Variants in NRG3 observed in about 807,000 individuals in gnomAD.
NRG3 encodes pro-neuregulin-3, membrane-bound isoform.
A neutral mutation model predicts 66.9 loss-of-function variants in NRG3; 31 were observed. That is an observed-to-expected ratio of 0.46 (90% CI 0.35 to 0.63). The LOEUF (loss-of-function observed/expected upper bound fraction) is 0.63, where lower values mean the gene tolerates loss of function less well. Ranked by LOEUF, NRG3 falls within the 20% of genes least tolerant of loss-of-function variation. The pLI, the probability that NRG3 is intolerant of heterozygous loss-of-function variation, is 0.00. For missense variants in NRG3, 910 were observed against 878.9 expected, an observed-to-expected ratio of 1.04 and a Z score of -0.45; for synonymous variants, 393 against 359.4, an observed-to-expected ratio of 1.09 and a Z score of -1.06.
chr10:82,772,811 C>T (rs540196368), intron 3 of NRG3, among the ~76,000 whole-genome samples: 1 of 147,542 alleles, frequency 6.8e-6, no homozygotes, highest in Non-Finnish European at 1.5e-5. Context: ...GCTCAAGCAA[C>T]ACTCTGACCT....
chr10:82,047,293 G>A (rs1011152044), intron 1 of NRG3, among the ~76,000 whole-genome samples: 7 of 152,048 alleles, frequency 4.6e-5, no homozygotes, highest in Admixed American at 1.3e-4. Flanking sequence ...CAAGACACAT[G>A]ATTGTCAGAT....
intron 2 of NRG3, among the ~76,000 whole-genome samples, chr10:82,412,568 G>C (rs2088183096): frequency 6.6e-6 from 1 of 152,132 alleles, no homozygotes; most frequent in African/African-American, 2.4e-5. Flanking sequence ...GTTGCTGAAG[G>C]TTAGGGTGGC....
chr10:81,947,730 C>T (rs1848977110), intron 1 of NRG3, among the ~76,000 whole-genome samples: 1 of 151,816 alleles, frequency 6.6e-6, no homozygotes, highest in African/African-American at 2.4e-5. Flanking sequence ...AAGTGTATGA[C>T]CTAGTCTAAT....
At chr10:82,916,775 C>T (rs1031145743) in intron 4 of NRG3, among the ~76,000 whole-genome samples, 1 of 152,026 alleles carries the variant, frequency 6.6e-6, no homozygotes, top group African/African-American at 2.4e-5. Context: ...GCCACCACGC[C>T]CAGCTAATTT....
At chr10:82,164,338 T>G (rs1208353004) in intron 1 of NRG3, among the ~76,000 whole-genome samples, 1 of 152,172 alleles carries the variant, frequency 6.6e-6, no homozygotes, top group African/African-American at 2.4e-5. Context: ...ACCTGGAGTA[T>G]TTATCATTTC....
chr10:82,687,049 A>G (rs1314526262), intron 2 of NRG3, among the ~76,000 whole-genome samples: 1 of 152,230 alleles, frequency 6.6e-6, no homozygotes, highest in Non-Finnish European at 1.5e-5. Flanking sequence ...CCTGCTGACC[A>G]GCTTTCTATC....
chr10:82,446,039 A>C (rs1358519350), intron 2 of NRG3, among the ~76,000 whole-genome samples: 4 of 152,180 alleles, frequency 2.6e-5, no homozygotes, highest in African/African-American at 9.7e-5. Flanking sequence ...TGTGATACCA[A>C]GTGATCACTA....
At chr10:82,796,367 T>C (rs1429069564) in intron 3 of NRG3, among the ~76,000 whole-genome samples, 2 of 151,684 alleles carry the variant, frequency 1.3e-5, no homozygotes, top group African/African-American at 2.4e-5. Flanking sequence ...AAGTCCACCA[T>C]AGAGCAGCAG....
rs201092412 is a variant in NRG3, at chr10:82,358,887, T to G, written c.953+19T>G. On this transcript the variant is annotated intron_variant, in intron 2 of 8. Coordinates refer to ENST00000372141, the MANE Select transcript of NRG3 (RefSeq NM_001010848.4). Reference sequence around the variant, plus strand: ...ACTGTCGGTAAGCCACTGAGGCCACTGATGGAAAGGGCAGGCCCGTTGCAA... The same window carrying G: ...ACTGTCGGTAAGCCACTGAGGCCACGGATGGAAAGGGCAGGCCCGTTGCAA... 70 of 1,614,012 alleles carry G rather than the reference T, an allele frequency of 4.3e-5. No homozygotes were observed. In the African/African-American group the frequency reaches 8.7e-4, roughly 20 times the overall value.
At chr10:82,349,556 A>T (rs1386546110) in intron 1 of NRG3, among the ~76,000 whole-genome samples, 1 of 151,974 alleles carries the variant, frequency 6.6e-6, no homozygotes, top group Non-Finnish European at 1.5e-5. Context: ...GAGCCTACAG[A>T]GGCAGGCAGG....
At chr10:82,686,430 C>T in intron 2 of NRG3, among the ~76,000 whole-genome samples, 1 of 152,088 alleles carries the variant, frequency 6.6e-6, no homozygotes, top group East Asian at 1.9e-4. Context: ...TCAGGTGATC[C>T]ACCCACCTCA....
intron 2 of NRG3, among the ~76,000 whole-genome samples, chr10:82,535,950 T>C (rs1847775309): frequency 6.6e-6 from 1 of 151,732 alleles, no homozygotes; most frequent in South Asian, 2.1e-4. Context: ...ACAGCACTCT[T>C]GTATTAGCAG....
intron 2 of NRG3, among the ~76,000 whole-genome samples, chr10:82,442,264 C>A (rs1799450513): frequency 6.6e-6 from 1 of 152,130 alleles, no homozygotes; most frequent in South Asian, 2.1e-4. Flanking sequence ...AAACAAGATT[C>A]CTAGTCCCAG....
chr10:82,723,356 A>G (rs1165389004), intron 2 of NRG3, among the ~76,000 whole-genome samples: 3 of 152,178 alleles, frequency 2.0e-5, no homozygotes, highest in African/African-American at 4.8e-5. Context: ...AAAACTAACT[A>G]TTGGATACTA....
chr10:82,902,406 T>A (rs1844316787), intron 4 of NRG3, among the ~76,000 whole-genome samples: 1 of 152,162 alleles, frequency 6.6e-6, no homozygotes, highest in Non-Finnish European at 1.5e-5. Flanking sequence ...ATATTTAACA[T>A]TCTATATTAA....
At chr10:82,042,700 CTT>C (rs2063100599) in intron 1 of NRG3, among the ~76,000 whole-genome samples, 1 of 152,048 alleles carries the variant, frequency 6.6e-6, no homozygotes, top group South Asian at 2.1e-4. Flanking sequence ...GTGTAGGAAA[CTT>C]AACCTCTCAT....
chr10:81,923,618 A>G (rs1846480334), intron 1 of NRG3, among the ~76,000 whole-genome samples: 1 of 152,126 alleles, frequency 6.6e-6, no homozygotes. Flanking sequence ...CACTCCTAAG[A>G]GACACTTGGA....
chr10:82,434,362 G>C (rs2090000418), intron 2 of NRG3, among the ~76,000 whole-genome samples: 1 of 152,054 alleles, frequency 6.6e-6, no homozygotes, highest in South Asian at 2.1e-4. Context: ...AGATGATGGG[G>C]TTTCCTAAAT....
At chr10:81,945,704 C>A (rs543968809) in intron 1 of NRG3, among the ~76,000 whole-genome samples, 1 of 152,150 alleles carries the variant, frequency 6.6e-6, no homozygotes, top group Non-Finnish European at 1.5e-5. Flanking sequence ...TAACTCCCAG[C>A]ACCTCAGAAT....
Sources: allele counts gnomAD v4.1 joint callset (sites outside exome capture counted in the v4.1 genomes callset), GRCh38; gene constraint gnomAD v4.1.1; transcripts MANE v1.5; gene names NCBI Gene and HGNC (gene_info 2026-07-23, HGNC 2026-07-21).